The following SH3PXD2A variants were observed in gnomAD, a reference collection of about 807,000 sequenced individuals.
SH3PXD2A encodes SH3 and PX domain-containing protein 2A.
Under a neutral mutation model 115.2 loss-of-function variants are expected in SH3PXD2A, and 32 were observed. The observed-to-expected ratio is 0.28, with a 90% CI of 0.21 to 0.37. The LOEUF (loss-of-function observed/expected upper bound fraction) is 0.37, where lower values mean the gene tolerates loss of function less well. SH3PXD2A is among the 10% of genes least tolerant of loss of function. SH3PXD2A has a pLI of 1.00. For missense variants in SH3PXD2A, 1,328 were observed against 1,498.7 expected, an observed-to-expected ratio of 0.89 and a Z score of 1.88; for synonymous variants, 610 against 629.1, an observed-to-expected ratio of 0.97 and a Z score of 0.45.
Position 103,790,916 on chromosome 10 carries a change from C to T in SH3PXD2A, c.153+10366G>A, listed in dbSNP as rs145815591. Among the ~76,000 whole-genome samples the T allele has an allele frequency of 5.8e-3, 889 of 152,312 alleles. 8 individuals are homozygous for T. Among genetic ancestry groups the T allele is most frequent in the Non-Finnish European group, 0.011 (751 of 68,024 alleles). ...TATAATTCCACCACTGATTTCCCAGCGGACATCGTTAACATCAGTTGACAA... is the reference window on the plus strand; with the variant it reads ...TATAATTCCACCACTGATTTCCCAGTGGACATCGTTAACATCAGTTGACAA... On this transcript the variant is annotated intron_variant, in intron 2 of 14. Coordinates refer to ENST00000369774, the MANE Select transcript of SH3PXD2A (RefSeq NM_001394015.1).
At chr10:103,795,141 T>G (rs536055228) in intron 2 of SH3PXD2A, among the ~76,000 whole-genome samples, 6 of 152,370 alleles carry the variant, frequency 3.9e-5, no homozygotes, top group Non-Finnish European at 5.9e-5. Context: ...CGGCCGCCAC[T>G]GAGTACTTGT....
intron 6 of SH3PXD2A, among the ~76,000 whole-genome samples, chr10:103,672,583 A>T (rs1472055600): frequency 6.6e-6 from 1 of 152,264 alleles, no homozygotes; most frequent in Non-Finnish European, 1.5e-5. Flanking sequence ...CAAGAATAAA[A>T]GCAACCTTGG....
intron 7 of SH3PXD2A, among the ~76,000 whole-genome samples, chr10:103,668,226 C>T (rs757835004): frequency 3.3e-5 from 5 of 152,238 alleles, no homozygotes; most frequent in Admixed American, 2.6e-4. Flanking sequence ...CTGAAGATGG[C>T]GAAAGCCCCA....
chr10:103,798,386 T>C (rs2039115008), intron 2 of SH3PXD2A, among the ~76,000 whole-genome samples: 1 of 152,194 alleles, frequency 6.6e-6, no homozygotes, highest in African/African-American at 2.4e-5. Context: ...CATAGCTCAC[T>C]GCAGCCACGA....
At chr10:103,763,761 G>C (rs1010266678) in intron 3 of SH3PXD2A, among the ~76,000 whole-genome samples, 1 of 152,210 alleles carries the variant, frequency 6.6e-6, no homozygotes, top group African/African-American at 2.4e-5. Flanking sequence ...CCGGCCATGA[G>C]AGCCATCATG....
In SH3PXD2A at chr10:103,727,934, C is replaced by T. The variant is rs571306556; in HGVS notation, c.307-3573G>A. 5.9e-5 allele frequency among the ~76,000 whole-genome samples: 9 copies of T among 152,350 alleles called. No homozygotes were observed. The South Asian group carries it at 1.9e-3, about 32-fold the overall frequency. On this transcript the variant is annotated intron_variant, in intron 4 of 14. Transcript: ENST00000369774. ...AGAGAGTGATGCTGAGCAGTGAGTCCCCGCAGCCTGGGCTGGTGATGATGG... is the reference window on the plus strand; with the variant it reads ...AGAGAGTGATGCTGAGCAGTGAGTCTCCGCAGCCTGGGCTGGTGATGATGG...
intron 7 of SH3PXD2A, among the ~76,000 whole-genome samples, chr10:103,664,989 A>G (rs1210218186): frequency 6.6e-6 from 1 of 152,140 alleles, no homozygotes; most frequent in Non-Finnish European, 1.5e-5. Context: ...ATGGGTTTCT[A>G]GTTGACTCTT....
chr10:103,722,000 G>T (rs1048360899), intron 5 of SH3PXD2A, among the ~76,000 whole-genome samples: 1 of 151,834 alleles, frequency 6.6e-6, no homozygotes, highest in African/African-American at 2.4e-5. Flanking sequence ...TGTAATGTGG[G>T]GATAAGAATA....
At chr10:103,827,205 CGATGTATTTGG>C (rs1451156148) in intron 1 of SH3PXD2A, among the ~76,000 whole-genome samples, 1 of 152,078 alleles carries the variant, frequency 6.6e-6, no homozygotes, top group Non-Finnish European at 1.5e-5. Context: ...TACACCAAGG[CGATGTATTTGG>C]GATGGTGATA....
intron 5 of SH3PXD2A, among the ~76,000 whole-genome samples, chr10:103,695,119 A>T (rs1323628135): frequency 6.6e-6 from 1 of 152,172 alleles, no homozygotes; most frequent in Non-Finnish European, 1.5e-5. Context: ...GGCACTGAGG[A>T]GCTACCCTCT....
rs146798943 is a variant in SH3PXD2A, at chr10:103,698,741, A to G, written c.399-5685T>C. ...AAGAGATATATGTGACATAAGTCCA[A>G]CGAGAAAGCCAACATTCTCAGACAA... On this transcript the variant is annotated intron_variant, in intron 5 of 14. Transcript: ENST00000369774. Among the ~76,000 whole-genome samples, 121 of 152,302 alleles carry G rather than the reference A, an allele frequency of 7.9e-4. 1 individual carries two copies. In the East Asian group the frequency reaches 0.015, roughly 18 times the overall value.
In SH3PXD2A at chr10:103,763,977, T is replaced by C. The variant is rs1589445771; in HGVS notation, c.229+3117A>G. The stretch of plus-strand genomic sequence containing the variant: ...CCTCTTCTGCCCCATCCTGTTTCCT[T>C]CCCTGCCACAGGAAGTTCACGTGAG... On this transcript the variant is annotated intron_variant, in intron 3 of 14. Coordinates refer to ENST00000369774, the MANE Select transcript of SH3PXD2A (RefSeq NM_001394015.1). 2.0e-5 allele frequency among the ~76,000 whole-genome samples: 3 copies of C among 152,228 alleles called. No homozygotes were observed. The South Asian group carries it at 6.2e-4, about 32-fold the overall frequency.
rs775284547 is a variant in SH3PXD2A, at chr10:103,601,906, G to A, written c.3312C>T (p.Asn1104=). 1 of 1,613,962 alleles carries A rather than the reference G, an allele frequency of 6.2e-7. No homozygotes were observed. Among genetic ancestry groups the A allele is most frequent in the South Asian group, 1.1e-5 (1 of 91,080 alleles). The part of the protein sequence containing the change: ...EGVSMEVLER[N]PNGWWYCQIL... ...TCTGGCAGTACCACCAGCCATTAGG[G>A]TTCCTCTCCAGAACCTCCATGGACA... is the stretch of plus-strand genomic sequence containing the variant. Residue 1104 remains asparagine, a synonymous_variant, in exon 15 of 15, where the codon AAC becomes AAT. Coordinates refer to ENST00000369774, the MANE Select transcript of SH3PXD2A (RefSeq NM_001394015.1).
At chr10:103,712,784 T>C (rs1235128500) in intron 5 of SH3PXD2A, among the ~76,000 whole-genome samples, 2 of 152,214 alleles carry the variant, frequency 1.3e-5, no homozygotes, top group African/African-American at 4.8e-5. Context: ...AAGGGTCCCA[T>C]CCTGAAATTT....
intron 5 of SH3PXD2A, among the ~76,000 whole-genome samples, chr10:103,712,818 G>C (rs1279705937): frequency 6.6e-6 from 1 of 152,214 alleles, no homozygotes; most frequent in African/African-American, 2.4e-5. Context: ...CCAGCCAAGG[G>C]TCAGGTGCTT....
chr10:103,657,087 T>C (rs1294215272), intron 8 of SH3PXD2A, among the ~76,000 whole-genome samples: 1 of 151,884 alleles, frequency 6.6e-6, no homozygotes, highest in Non-Finnish European at 1.5e-5. Context: ...TTCCCAAGGT[T>C]TGGTTTTCTC....
At chr10:103,733,658 C>T (rs932642141) in intron 4 of SH3PXD2A, among the ~76,000 whole-genome samples, 14 of 152,304 alleles carry the variant, frequency 9.2e-5, no homozygotes, top group African/African-American at 2.6e-4. Context: ...TTCACAGTCA[C>T]GAAATTCAAA....
intron 5 of SH3PXD2A, among the ~76,000 whole-genome samples, chr10:103,713,416 A>T (rs1301585098): frequency 3.3e-5 from 5 of 152,232 alleles, no homozygotes; most frequent in Admixed American, 3.3e-4. Context: ...CATTTACCTG[A>T]TGCTGAAGTG....
intron 1 of SH3PXD2A, among the ~76,000 whole-genome samples, chr10:103,819,466 G>T (rs1004931248): frequency 6.6e-6 from 1 of 152,140 alleles, no homozygotes; most frequent in Non-Finnish European, 1.5e-5. Flanking sequence ...CCCTGGGAGA[G>T]CCAGGGCCAG....
Sources: allele counts gnomAD v4.1 joint callset (sites outside exome capture counted in the v4.1 genomes callset), GRCh38; gene constraint gnomAD v4.1.1; transcripts MANE v1.5; gene names NCBI Gene and HGNC (gene_info 2026-07-23, HGNC 2026-07-21).